DENND5B: variants seen among roughly 807,000 people sequenced by gnomAD.
DENND5B encodes DENN domain containing 5B, also known as DENN domain-containing protein 5B.
In DENND5B, 34 loss-of-function variants were observed where a neutral mutation model predicts 140.6. The ratio of observed to expected loss-of-function variants is 0.24; its 90% CI spans 0.18 to 0.32. DENND5B has a LOEUF of 0.32. Among genes scored for constraint, DENND5B ranks in the 10% least tolerant of loss-of-function variants. DENND5B has a pLI of 1.00. For missense variants in DENND5B, 1,142 were observed against 1,560.2 expected, an observed-to-expected ratio of 0.73 and a Z score of 4.52; for synonymous variants, 551 against 562.1, an observed-to-expected ratio of 0.98 and a Z score of 0.28.
intron 1 of DENND5B, among the ~76,000 whole-genome samples, chr12:31,550,309 G>A (rs1949004121): frequency 6.9e-6 from 1 of 145,078 alleles, no homozygotes; most frequent in Admixed American, 7.3e-5. Flanking sequence ...GTGAGAACAT[G>A]TGGTGTTTGG....
At chr12:31,452,659 A>G (rs531498201) in intron 4 of DENND5B, among the ~76,000 whole-genome samples, 183 bp from the exon 5 acceptor site, 2 of 152,258 alleles carry the variant, frequency 1.3e-5, no homozygotes, top group East Asian at 3.9e-4. Context: ...TTCTGTTTCT[A>G]CAAAAAGAAA....
At position 31,415,762 on chromosome 12, in the gene DENND5B, A is replaced by T. The variant is rs528584806; in HGVS notation, c.2471-314T>A. On this transcript the variant is annotated intron_variant, in intron 11 of 20. Coordinates refer to ENST00000389082, the MANE Select transcript of DENND5B (RefSeq NM_144973.4). Reference sequence around the variant, plus strand: ...CCACCACACATGGCTCATTTTTAAAATTTTTTGTAGAGACGGGGTCTCCCT... The same window carrying T: ...CCACCACACATGGCTCATTTTTAAATTTTTTTGTAGAGACGGGGTCTCCCT... Among the ~76,000 whole-genome samples, 9 of 152,104 alleles carry T rather than the reference A, an allele frequency of 5.9e-5. No homozygotes were observed. The South Asian group carries it at 1.9e-3, about 32-fold the overall frequency.
chr12:31,559,996 T>C (rs1461753285), intron 1 of DENND5B, among the ~76,000 whole-genome samples: 5 of 152,228 alleles, frequency 3.3e-5, no homozygotes, highest in African/African-American at 4.8e-5. Flanking sequence ...GATCCAATCT[T>C]ACTGTTAGAA....
chr12:31,473,932 T>C (rs1945672019), intron 3 of DENND5B, among the ~76,000 whole-genome samples: 1 of 152,188 alleles, frequency 6.6e-6, no homozygotes, highest in Non-Finnish European at 1.5e-5. Flanking sequence ...CTGCATTTAA[T>C]TGTCACTTGG....
chr12:31,476,185 G>T (rs2682692), intron 3 of DENND5B, among the ~76,000 whole-genome samples: 117,902 of 148,764 alleles, frequency 0.79, 46,838 homozygotes, highest in East Asian at 0.88. Flanking sequence ...AGCTTTTGGA[G>T]TTTTTTTTTG....
chr12:31,525,291 A>G (rs1005540715), intron 1 of DENND5B, among the ~76,000 whole-genome samples: 22 of 152,346 alleles, frequency 1.4e-4, no homozygotes, highest in African/African-American at 4.8e-4. Context: ...AACAACCTAA[A>G]TTTCCATCAA....
intron 2 of DENND5B, among the ~76,000 whole-genome samples, chr12:31,490,945 T>G (rs916362270): frequency 6.6e-6 from 1 of 152,242 alleles, no homozygotes; most frequent in Non-Finnish European, 1.5e-5. Context: ...ATATTTATGA[T>G]GTTTCATTAG....
At chr12:31,511,364 A>C (rs528159729) in intron 1 of DENND5B, among the ~76,000 whole-genome samples, 1 of 152,350 alleles carries the variant, frequency 6.6e-6, no homozygotes, top group South Asian at 2.1e-4. Context: ...TTTATGGTCC[A>C]ATATTTTAAA....
chr12:31,445,095 A>G (rs1429397397), intron 6 of DENND5B, among the ~76,000 whole-genome samples: 2 of 152,238 alleles, frequency 1.3e-5, no homozygotes, highest in African/African-American at 4.8e-5. Flanking sequence ...AGTTGCTGTC[A>G]AATAACTCCA....
intron 4 of DENND5B, among the ~76,000 whole-genome samples, chr12:31,456,679 T>C (rs931247537): frequency 6.6e-6 from 1 of 152,182 alleles, no homozygotes; most frequent in Non-Finnish European, 1.5e-5. Flanking sequence ...GCAGGAAGTA[T>C]CCACAAATGA....
intron 3 of DENND5B, among the ~76,000 whole-genome samples, chr12:31,476,103 G>A (rs549484471): frequency 2.0e-5 from 3 of 151,850 alleles, no homozygotes; most frequent in Admixed American, 6.6e-5. Context: ...TCCAGCCTGG[G>A]TGACAGAGCA....
At chr12:31,402,808 A>G (rs1218263620) in intron 14 of DENND5B, among the ~76,000 whole-genome samples, 165 bp from the exon 15 acceptor site, 1 of 152,226 alleles carries the variant, frequency 6.6e-6, no homozygotes, top group African/African-American at 2.4e-5. Flanking sequence ...CAGTCTAGAA[A>G]GATGAGATCT....
intron 5 of DENND5B, among the ~76,000 whole-genome samples, chr12:31,450,003 T>C (rs1357797195): frequency 6.6e-6 from 1 of 152,194 alleles, no homozygotes; most frequent in Non-Finnish European, 1.5e-5. Flanking sequence ...AGTGTTGGGA[T>C]TACAGGCGTG....
chr12:31,463,478 C>T (rs1045811626), intron 3 of DENND5B, among the ~76,000 whole-genome samples: 2 of 151,998 alleles, frequency 1.3e-5, no homozygotes, highest in African/African-American at 4.8e-5. Context: ...ATAATAGAGG[C>T]TAAAACAATA....
intron 2 of DENND5B, among the ~76,000 whole-genome samples, chr12:31,485,804 T>C (rs1044625939): frequency 2.6e-5 from 4 of 151,998 alleles, no homozygotes; most frequent in African/African-American, 9.7e-5. Context: ...AGGCAACATA[T>C]AAAAAGTTTA....
At chr12:31,590,673 G>C (rs1303908992) in intron 1 of DENND5B, 33 bp downstream of exon 1, 9 of 1,443,862 alleles carry the variant, frequency 6.2e-6, no homozygotes, top group Non-Finnish European at 8.1e-6. Flanking sequence ...GCGCCCCTGA[G>C]GGGGCTCAGC....
intron 17 of DENND5B, among the ~76,000 whole-genome samples, chr12:31,396,121 G>A (rs967265572): frequency 7.2e-6 from 1 of 139,236 alleles, no homozygotes; most frequent in East Asian, 2.1e-4. Context: ...AGTGCATGTA[G>A]TGCAGTGGCA....
rs1273442633 is a variant in DENND5B, at chr12:31,581,815, C to T, written c.127+8891G>A. Among the ~76,000 whole-genome samples, 3 of 151,896 alleles carry T rather than the reference C, an allele frequency of 2.0e-5. No individual in the cohort carries two copies. The South Asian group carries it at 6.2e-4, about 32-fold the overall frequency. ...ATCGCTCCTCATGTGGTATAGTTAT[C>T]CCTCAGTATCTGTGTGGGATTGGTT... On this transcript the variant is annotated intron_variant, in intron 1 of 20. Transcript: ENST00000389082.
At chr12:31,417,356 CAAAAAA>C (rs767142927) in intron 11 of DENND5B, among the ~76,000 whole-genome samples, 44 of 40,124 alleles carry the variant, frequency 1.1e-3, no homozygotes, top group African/African-American at 3.5e-3. Context: ...GACTCTGTCT[CAAAAAA>C]AAAAAAAAAA....
Sources: allele counts gnomAD v4.1 joint callset (sites outside exome capture counted in the v4.1 genomes callset), GRCh38; gene constraint gnomAD v4.1.1; transcripts MANE v1.5; gene names NCBI Gene and HGNC (gene_info 2026-07-23, HGNC 2026-07-21).